OCA2: variants seen among roughly 807,000 people sequenced by gnomAD.
The protein encoded by OCA2 is P protein.
In OCA2, 77 loss-of-function variants were observed where a neutral mutation model predicts 100.2. The observed-to-expected ratio is 0.77, with a 90% CI of 0.64 to 0.93. The LOEUF (loss-of-function observed/expected upper bound fraction) is 0.93, where lower values mean the gene tolerates loss of function less well. OCA2 is among the 40% of genes least tolerant of loss of function. The pLI is 0.00. For synonymous variants in OCA2, 432 were observed against 439.2 expected (o/e 0.98, Z 0.21); for missense variants, 1,062 against 1,089.1 (o/e 0.98, Z 0.35).
intron 9 of OCA2, among the ~76,000 whole-genome samples, chr15:27,997,029 G>GAA (rs1309620710): frequency 3.4e-4 from 29 of 84,244 alleles, no homozygotes; most frequent in Non-Finnish European, 6.0e-4. Context: ...AAGAAAGAAA[G>GAA]AGAGAGAGAG....
At chr15:28,013,675 G>A (rs1025934573) in intron 9 of OCA2, among the ~76,000 whole-genome samples, 3 of 152,090 alleles carry the variant, frequency 2.0e-5, no homozygotes, top group Non-Finnish European at 4.4e-5. Flanking sequence ...TGGGAGAGGA[G>A]ACCTTTCAGA....
At chr15:28,016,207 G>C (rs2042388208) in intron 7 of OCA2, 21 bp from the exon 8 acceptor site, 5 of 1,598,426 alleles carry the variant, frequency 3.1e-6, no homozygotes, top group Non-Finnish European at 4.3e-6. Context: ...CAAAGCATAA[G>C]TTATGGTGAG....
At position 28,019,751 on chromosome 15, in the gene OCA2, G is replaced by A. The variant is rs562854132; in HGVS notation, c.647-1194C>T. On this transcript the variant is annotated intron_variant, in intron 6 of 23. Coordinates refer to ENST00000354638, the MANE Select transcript of OCA2 (RefSeq NM_000275.3). ...TGCTGTGGGCCTTTCCAACCAGGCC[G>A]AGGCCCCTCCTACCTCACGCCTATA... 1.7e-4 allele frequency among the ~76,000 whole-genome samples: 26 copies of A among 152,172 alleles called. No individual in the cohort carries two copies. The South Asian group carries it at 4.4e-3, about 26-fold the overall frequency.
At position 27,851,500 on chromosome 15, in the gene OCA2, C is replaced by T; in HGVS notation, c.2245-25G>A. 5 of 1,584,756 alleles carry T rather than the reference C, an allele frequency of 3.2e-6. No individual in the cohort carries two copies. In the South Asian group the frequency reaches 3.4e-5, roughly 11 times the overall value. ...TCTGTGGAGGAAGAGGACATTGATG[C>T]CACGTCCCATGGACGCTCAGAGAAG... On this transcript the variant is annotated intron_variant, in intron 21 of 23. Coordinates refer to ENST00000354638, the MANE Select transcript of OCA2 (RefSeq NM_000275.3).
At chr15:27,818,976 CTG>C (rs1464585363) in intron 23 of OCA2, among the ~76,000 whole-genome samples, 2 of 152,178 alleles carry the variant, frequency 1.3e-5, no homozygotes, top group African/African-American at 2.4e-5. Context: ...CTACTGTGGC[CTG>C]GGGAACAAAG....
rs192973845 is a variant in OCA2 at position 27,819,998 on chromosome 15, G to A, written c.2432+24961C>T. Among the ~76,000 whole-genome samples, 7 of 152,290 alleles carry A rather than the reference G, an allele frequency of 4.6e-5. No homozygotes were observed. In the East Asian group the frequency reaches 1.4e-3, roughly 29 times the overall value. ...AAGAAAAACAAGCACGATGTTAGCG[G>A]CACACATCAATGGGACACAGGCACC... On this transcript the variant is annotated intron_variant, in intron 23 of 23. Coordinates refer to ENST00000354638, the MANE Select transcript of OCA2 (RefSeq NM_000275.3).
At chr15:28,060,651 A>G (rs145567018) in intron 2 of OCA2, among the ~76,000 whole-genome samples, 64 of 152,352 alleles carry the variant, frequency 4.2e-4, no homozygotes, top group African/African-American at 1.5e-3. Context: ...ACAAAAGTAT[A>G]AAACAATCCA....
chr15:28,089,873 G>A (rs1297386327), intron 1 of OCA2, among the ~76,000 whole-genome samples: 1 of 152,062 alleles, frequency 6.6e-6, no homozygotes, highest in African/African-American at 2.4e-5. Flanking sequence ...CAGGTTCAGT[G>A]GTACACCAAA....
intron 2 of OCA2, among the ~76,000 whole-genome samples, chr15:28,041,521 C>T (rs2043200758): frequency 6.6e-6 from 1 of 152,064 alleles, no homozygotes; most frequent in Non-Finnish European, 1.5e-5. Flanking sequence ...GAAGTTCTAG[C>T]CAGAACAGGT....
intron 23 of OCA2, among the ~76,000 whole-genome samples, chr15:27,833,239 T>C (rs748564189): frequency 7.2e-5 from 11 of 152,234 alleles, no homozygotes; most frequent in African/African-American, 1.2e-4. Flanking sequence ...GCATATCCTA[T>C]AGAGGAAAGT....
At chr15:27,920,741 T>C (rs904522688) in intron 19 of OCA2, among the ~76,000 whole-genome samples, 1 of 152,076 alleles carries the variant, frequency 6.6e-6, no homozygotes, top group African/African-American at 2.4e-5. Context: ...ATAGAAATTC[T>C]GGAATTGAAC....
chr15:27,995,777 T>C (rs1207481075), intron 9 of OCA2, among the ~76,000 whole-genome samples: 2 of 151,028 alleles, frequency 1.3e-5, no homozygotes, highest in African/African-American at 2.4e-5. Flanking sequence ...AGAAGGAAAA[T>C]AGGGAAATTG....
At chr15:28,013,133 C>A (rs1277680305) in intron 9 of OCA2, among the ~76,000 whole-genome samples, 2 of 152,178 alleles carry the variant, frequency 1.3e-5, no homozygotes, top group Non-Finnish European at 2.9e-5. Flanking sequence ...CTCCTGGACA[C>A]AGGCCAGACC....
chr15:28,053,572 G>A (rs2043585181), intron 2 of OCA2, among the ~76,000 whole-genome samples: 1 of 152,152 alleles, frequency 6.6e-6, no homozygotes, highest in Admixed American at 6.5e-5. Flanking sequence ...CTACTACCAT[G>A]GCTACCTCCC....
chr15:27,802,524 A>C (rs1331821423), intron 23 of OCA2, among the ~76,000 whole-genome samples: 1 of 152,194 alleles, frequency 6.6e-6, no homozygotes, highest in Non-Finnish European at 1.5e-5. Flanking sequence ...GAAAGAACAA[A>C]TATAAAGAAA....
intron 23 of OCA2, among the ~76,000 whole-genome samples, chr15:27,827,425 GACA>G (rs1320422667): frequency 1.3e-5 from 2 of 152,224 alleles, no homozygotes; most frequent in Non-Finnish European, 2.9e-5. Flanking sequence ...GCAAATTTAG[GACA>G]ACACCACCTT....
intron 1 of OCA2, among the ~76,000 whole-genome samples, chr15:28,098,328 C>T (rs2045023687): frequency 1.3e-5 from 2 of 152,224 alleles, no homozygotes; most frequent in South Asian, 2.1e-4. Flanking sequence ...TCCCCAGATG[C>T]GTTCAATGCT....
At chr15:27,954,482 G>T (rs4778212) in intron 17 of OCA2, among the ~76,000 whole-genome samples, 6,991 of 152,232 alleles carry the variant, frequency 0.046, 239 homozygotes, top group South Asian at 0.13. Flanking sequence ...GTGTTCTGAA[G>T]CCCTTTGAGG....
At chr15:27,781,375 T>A (rs1276047123) in intron 23 of OCA2, among the ~76,000 whole-genome samples, 1 of 152,226 alleles carries the variant, frequency 6.6e-6, no homozygotes, top group Non-Finnish European at 1.5e-5. Context: ...AGCTAGTTTC[T>A]CAGTGTCCAT....
Sources: allele counts gnomAD v4.1 joint callset (sites outside exome capture counted in the v4.1 genomes callset), GRCh38; gene constraint gnomAD v4.1.1; transcripts MANE v1.5; gene names NCBI Gene and HGNC (gene_info 2026-07-23, HGNC 2026-07-21).